The following UGCG variants were observed in gnomAD, a reference collection of about 807,000 sequenced individuals.
The protein encoded by UGCG is UDP-glucose ceramide glucosyltransferase.
A neutral mutation model predicts 49.5 loss-of-function variants in UGCG; 10 were observed. The observed-to-expected ratio is 0.20, with a 90% CI of 0.12 to 0.34. UGCG has a LOEUF of 0.34. UGCG is among the 10% of genes least tolerant of loss of function. The probability of loss-of-function intolerance (pLI) is 1.00; values close to 1 mark genes in which losing one functional copy is unlikely to be tolerated. For synonymous variants in UGCG, 182 were observed against 158.2 expected (o/e 1.15, Z -1.13); for missense variants, 312 against 483.7 (o/e 0.65, Z 3.33).
At chr9:111,922,263 A>G (rs758351679) in intron 2 of UGCG, among the ~76,000 whole-genome samples, 6 of 152,222 alleles carry the variant, frequency 3.9e-5, no homozygotes, top group African/African-American at 7.2e-5. Context: ...GTAAATGTCC[A>G]TTCAAATCAA....
At chr9:111,908,680 C>T (rs1240805107) in intron 1 of UGCG, among the ~76,000 whole-genome samples, 1 of 152,200 alleles carries the variant, frequency 6.6e-6, no homozygotes, top group Non-Finnish European at 1.5e-5. Context: ...ACCTAGAAAG[C>T]AAGTCGTCTG....
intron 1 of UGCG, among the ~76,000 whole-genome samples, chr9:111,907,541 C>G (rs577818370): frequency 2.0e-5 from 3 of 152,124 alleles, no homozygotes; most frequent in Middle Eastern, 3.4e-3. Context: ...TTAATAGATA[C>G]CAGACATTTT....
intron 3 of UGCG, 144 bp downstream of exon 3, chr9:111,923,095 G>A (rs1317494711): frequency 2.3e-6 from 1 of 440,080 alleles, no homozygotes; most frequent in Non-Finnish European, 3.9e-6. Flanking sequence ...ACGTCCTTTT[G>A]AGAAAAGTTA....
Position 111,931,321 on chromosome 9 carries a change from C to T in UGCG, c.788C>T (p.Ser263Leu). ...CAAGTTGCAATGCAAAACTCTGGCT[C>T]ATATTCAATTTCTCAGTTTCAATCC... is the stretch of plus-strand genomic sequence containing the variant. ...STQVAMQNSGSYSISQFQSRM... is the reference protein window; with the variant it reads ...STQVAMQNSGLYSISQFQSRM... The change falls in exon 7 of 9, where the codon TCA (serine) becomes TTA (leucine). Residue 263 changes from serine to leucine, a missense_variant. Ser to Leu is a moderately radical substitution (Grantham distance 145). This residue lies in a region of UGCG where 180 missense variants were observed against 320.4 expected (regional missense o/e 0.56). Coordinates refer to ENST00000374279, the MANE Select transcript of UGCG (RefSeq NM_003358.3). 2 of 1,613,858 alleles carry T rather than the reference C, an allele frequency of 1.2e-6. No homozygotes were observed. The highest frequency in any genetic ancestry group is 2.2e-5 in the East Asian group (1 of 44,868).
chr9:111,922,275 T>C (rs1456441621), intron 2 of UGCG, among the ~76,000 whole-genome samples: 1 of 152,208 alleles, frequency 6.6e-6, no homozygotes, highest in African/African-American at 2.4e-5. Flanking sequence ...TCAAATCAAA[T>C]TCTGTTTTGT....
intron 1 of UGCG, among the ~76,000 whole-genome samples, chr9:111,900,687 T>C (rs1378271518): frequency 6.6e-6 from 1 of 152,080 alleles, no homozygotes; most frequent in African/African-American, 2.4e-5. Context: ...AGAGACAGGG[T>C]TCTGCCATGT....
At chr9:111,908,360 A>T (rs552337552) in intron 1 of UGCG, among the ~76,000 whole-genome samples, 107 of 152,362 alleles carry the variant, frequency 7.0e-4, no homozygotes, top group Middle Eastern at 3.4e-3. Context: ...TTCCATTTAT[A>T]TAAAAATTTA....
At chr9:111,931,450 A>G in intron 7 of UGCG, 93 bp downstream of exon 7, 1 of 1,168,070 alleles carries the variant, frequency 8.6e-7, no homozygotes, top group African/African-American at 1.6e-5. Context: ...AAATGAATGT[A>G]CCTAAAGGTT....
intron 6 of UGCG, among the ~76,000 whole-genome samples, chr9:111,930,185 G>T (rs977565180): frequency 1.1e-4 from 17 of 152,142 alleles, no homozygotes; most frequent in African/African-American, 4.1e-4. Context: ...AATGAAGAAG[G>T]TAAATGTTCT....
In UGCG at chr9:111,907,692, T is replaced by C. The variant is rs183769632; in HGVS notation, c.99-6913T>C. On this transcript the variant is annotated intron_variant, in intron 1 of 8. Coordinates refer to ENST00000374279, the MANE Select transcript of UGCG (RefSeq NM_003358.3). ...CAGGCTGGAGTGCAGTGGTGCGATC[T>C]TGGCTCACTGCAACCTCCGCCTCCC... 8.0e-3 allele frequency among the ~76,000 whole-genome samples: 1,208 copies of C among 151,830 alleles called. 12 individuals carry two copies. The highest frequency in any genetic ancestry group is 0.011 in the Non-Finnish European group (741 of 67,950).
chr9:111,932,235 T>G lies in UGCG; in HGVS notation c.890T>G (p.Phe297Cys), dbSNP rs1459259643. Residue 297 changes from phenylalanine (F) to cysteine (C), a missense_variant, in exon 8 of 9, where the codon TTT (phenylalanine) becomes TGT (cysteine). Physicochemically the swap from Phe to Cys is radical, Grantham distance 205 (BLOSUM62 -2). This residue lies in a region of UGCG where 180 missense variants were observed against 320.4 expected (regional missense o/e 0.56). Coordinates refer to ENST00000374279, the MANE Select transcript of UGCG (RefSeq NM_003358.3). ...TIICEPISEC[F>C]VASLIIGWAA... ...ATTTGTGAGCCAATTTCAGAATGCT[T>G]TGTTGCCAGTTTAATTATTGGATGG... 6.2e-7 allele frequency: 1 copy of G among 1,614,062 alleles called. No homozygotes were observed. Among genetic ancestry groups the G allele is most frequent in the Non-Finnish European group, 8.5e-7 (1 of 1,180,032 alleles).
At chr9:111,919,862 G>T (rs1564202643) in intron 2 of UGCG, among the ~76,000 whole-genome samples, 1 of 152,024 alleles carries the variant, frequency 6.6e-6, no homozygotes, top group Non-Finnish European at 1.5e-5. Context: ...AGCAAGCCTG[G>T]CTGAGCAGCC....
At chr9:111,918,036 A>G (rs915057751) in intron 2 of UGCG, among the ~76,000 whole-genome samples, 1 of 151,952 alleles carries the variant, frequency 6.6e-6, no homozygotes, top group Admixed American at 6.6e-5. Context: ...TTGCAATTAT[A>G]GAATTGATTT....
At chr9:111,908,444 G>A (rs1288927425) in intron 1 of UGCG, among the ~76,000 whole-genome samples, 9 of 152,214 alleles carry the variant, frequency 5.9e-5, no homozygotes, top group East Asian at 1.9e-4. Context: ...AAGGAGACAC[G>A]AGAGGACTTC....
At chr9:111,919,836 AC>A (rs1279504809) in intron 2 of UGCG, among the ~76,000 whole-genome samples, 3 of 152,062 alleles carry the variant, frequency 2.0e-5, no homozygotes, top group African/African-American at 7.2e-5. Flanking sequence ...GTTTGGAAAA[AC>A]AAGGAACTCT....
At chr9:111,923,431 T>C (rs1427264558) in intron 3 of UGCG, among the ~76,000 whole-genome samples, 1 of 151,982 alleles carries the variant, frequency 6.6e-6, no homozygotes, top group Admixed American at 6.6e-5. Context: ...TAAAATGATA[T>C]CAGATCTTTG....
At chr9:111,900,956 C>T (rs1837758548) in intron 1 of UGCG, among the ~76,000 whole-genome samples, 1 of 151,902 alleles carries the variant, frequency 6.6e-6, no homozygotes, top group African/African-American at 2.4e-5. Context: ...AGCAATTCTC[C>T]CACCTCAGCC....
At chr9:111,915,686 C>A in intron 2 of UGCG, 1 of 713,292 alleles carries the variant, frequency 1.4e-6, no homozygotes, top group Non-Finnish European at 1.7e-6. Flanking sequence ...CTCAAATAAT[C>A]AGAAGGAAGA....
intron 1 of UGCG, among the ~76,000 whole-genome samples, chr9:111,906,552 C>A (rs911751282): frequency 2.6e-5 from 4 of 152,164 alleles, no homozygotes; most frequent in African/African-American, 7.2e-5. Flanking sequence ...GCCTCAGCCT[C>A]CCGACTAGCT....
Sources: allele counts gnomAD v4.1 joint callset (sites outside exome capture counted in the v4.1 genomes callset), GRCh38; gene constraint gnomAD v4.1.1; regional missense constraint gnomAD v4.1.1; transcripts MANE v1.5; gene names NCBI Gene and HGNC (gene_info 2026-07-23, HGNC 2026-07-21).